Variants in CCSER1 observed in about 807,000 individuals in gnomAD.
CCSER1 encodes the protein serine-rich coiled-coil domain-containing protein 1.
CCSER1 carries 41 observed loss-of-function variants against 82.0 expected under a neutral mutation model. The observed-to-expected ratio is 0.50, with a 90% CI of 0.39 to 0.65. CCSER1 has a LOEUF of 0.65. Ranked by LOEUF, CCSER1 falls within the 30% of genes least tolerant of loss-of-function variation. CCSER1 has a pLI of 0.00. For synonymous variants in CCSER1, 414 were observed against 383.9 expected (o/e 1.08, Z -0.92); for missense variants, 1,119 against 1,064.2 (o/e 1.05, Z -0.72).
intron 1 of CCSER1, among the ~76,000 whole-genome samples, chr4:90,135,434 C>T (rs1314043205): frequency 6.6e-6 from 1 of 152,108 alleles, no homozygotes; most frequent in African/African-American, 2.4e-5. Context: ...AACCTCATTT[C>T]CTGAGCCATT....
In CCSER1 at chr4:90,308,389, C is replaced by T. The variant is rs1734686336; in HGVS notation, c.105C>T (p.Ser35=). The change falls in exon 2 of 11, where the codon TCC becomes TCT. Residue 35 remains serine (S), a synonymous_variant. Transcript: ENST00000509176. ...RHDSLPSSPS[S]SNTVGVHSSS... ...ATTCTCTTCCTTCTTCACCTTCTTC[C>T]AGTAATACAGTTGGTGTCCACAGTT... is the stretch of plus-strand genomic sequence containing the variant. 1 of 1,613,554 alleles carries T rather than the reference C, an allele frequency of 6.2e-7. No individual in the cohort carries two copies. The highest frequency in any genetic ancestry group is 1.3e-5 in the African/African-American group (1 of 74,876).
Position 91,012,243 on chromosome 4 carries a change from A to G in CCSER1, c.2173-73707A>G, listed in dbSNP as rs75194681. The stretch of plus-strand genomic sequence containing the variant: ...GTAGTGTGAATGCTCTTTGCAGCCA[A>G]AGCATTGTTTCCCCAGGATTCAGGG... On this transcript the variant is annotated intron_variant, in intron 9 of 10. Transcript: ENST00000509176. 0.015 allele frequency among the ~76,000 whole-genome samples: 1,980 copies of G among 134,040 alleles called. 508 individuals are homozygous for G. The East Asian group carries it at 0.19, about 13-fold the overall frequency. 87.9% of individuals were successfully genotyped at this position (134,040 alleles called of 152,430 possible).
chr4:90,242,417 G>T (rs1354081893), intron 1 of CCSER1, among the ~76,000 whole-genome samples: 1 of 152,082 alleles, frequency 6.6e-6, no homozygotes, highest in Admixed American at 6.5e-5. Flanking sequence ...TTAAACTGTT[G>T]ATATTTTTTA....
chr4:90,590,208 A>T (rs1302345248), intron 5 of CCSER1, among the ~76,000 whole-genome samples: 1 of 152,106 alleles, frequency 6.6e-6, no homozygotes, highest in Non-Finnish European at 1.5e-5. Flanking sequence ...CAGGAGAAAG[A>T]GGTTGCACTG....
intron 10 of CCSER1, among the ~76,000 whole-genome samples, chr4:91,453,337 G>A (rs1408044349): frequency 6.6e-6 from 1 of 151,928 alleles, no homozygotes; most frequent in African/African-American, 2.4e-5. Flanking sequence ...TTTTATAGGT[G>A]ATTTGTTTTG....
At chr4:91,000,675 AT>A (rs747297683) in intron 9 of CCSER1, among the ~76,000 whole-genome samples, 40 of 151,734 alleles carry the variant, frequency 2.6e-4, no homozygotes, top group Admixed American at 1.2e-3. Flanking sequence ...ACTTTATTTT[AT>A]TTTTTGTAGC....
At chr4:90,811,355 T>C (rs966107675) in intron 7 of CCSER1, among the ~76,000 whole-genome samples, 42 of 152,114 alleles carry the variant, frequency 2.8e-4, no homozygotes, top group African/African-American at 9.4e-4. Flanking sequence ...TAATGAAGGG[T>C]ACAATACACT....
intron 4 of CCSER1, among the ~76,000 whole-genome samples, chr4:90,460,994 A>C (rs1414072748): frequency 6.6e-6 from 1 of 150,768 alleles, no homozygotes; most frequent in Non-Finnish European, 1.5e-5. Flanking sequence ...TGTTTATTTC[A>C]ATAGTGCTGT....
chr4:90,674,406 T>C (rs11935799), intron 6 of CCSER1, among the ~76,000 whole-genome samples: 69,641 of 151,512 alleles, frequency 0.46, 16,395 homozygotes, highest in Middle Eastern at 0.59. Flanking sequence ...GAAGGGACAG[T>C]TGTCAAGTCT....
At chr4:90,330,137 G>T (rs1739013958) in intron 3 of CCSER1, among the ~76,000 whole-genome samples, 1 of 152,134 alleles carries the variant, frequency 6.6e-6, no homozygotes, top group South Asian at 2.1e-4. Flanking sequence ...TTTTGTGAGA[G>T]AAACTTTTGT....
At chr4:90,502,652 C>A (rs79808426) in intron 5 of CCSER1, among the ~76,000 whole-genome samples, 8,705 of 152,018 alleles carry the variant, frequency 0.057, 581 homozygotes, top group African/African-American at 0.17. Context: ...CTGGGAAAAA[C>A]ACCACTTTTT....
Position 91,411,948 on chromosome 4 carries a change from C to T in CCSER1, c.2218-186624C>T, listed in dbSNP as rs191726263. Among the ~76,000 whole-genome samples the T allele has an allele frequency of 1.7e-4, 26 of 152,032 alleles. No individual in the cohort carries two copies. In the East Asian group the frequency reaches 5.1e-3, roughly 30 times the overall value. The stretch of plus-strand genomic sequence containing the variant: ...AGATGGGCCCAGTGTAATCCTTGGA[C>T]CCTGAAAGGCAGATGAGGGGGAAGT... On this transcript the variant is annotated intron_variant, in intron 10 of 10. Coordinates refer to ENST00000509176, the MANE Select transcript of CCSER1 (RefSeq NM_001145065.2).
chr4:90,967,967 T>C (rs1161458842), intron 9 of CCSER1, among the ~76,000 whole-genome samples: 2 of 152,052 alleles, frequency 1.3e-5, no homozygotes, highest in Non-Finnish European at 2.9e-5. Flanking sequence ...TAAAGCTCAG[T>C]GCCAAGAGAG....
chr4:90,338,766 C>A (rs1024258915), intron 3 of CCSER1, among the ~76,000 whole-genome samples: 1 of 152,182 alleles, frequency 6.6e-6, no homozygotes, highest in Non-Finnish European at 1.5e-5. Context: ...CAAAATCTAT[C>A]TCCTGTTATG....
At chr4:91,454,910 T>C (rs1304914384) in intron 10 of CCSER1, among the ~76,000 whole-genome samples, 2 of 152,084 alleles carry the variant, frequency 1.3e-5, no homozygotes, top group East Asian at 1.9e-4. Flanking sequence ...TTCACAGTTA[T>C]ATTTGTCACC....
At position 91,380,421 on chromosome 4, in the gene CCSER1, A is replaced by C. The variant is rs564244906; in HGVS notation, c.2218-218151A>C. 7.0e-3 allele frequency among the ~76,000 whole-genome samples: 1,064 copies of C among 151,934 alleles called. 9 individuals carry two copies. The highest frequency in any genetic ancestry group is 0.024 in the African/African-American group (997 of 41,466). On this transcript the variant is annotated intron_variant, in intron 10 of 10. Transcript: ENST00000509176. The stretch of plus-strand genomic sequence containing the variant: ...GTCTCTAAGGACTTGCTTTATGAAT[A>C]TGGGTGCTCCTGTATTGGGTGCATA...
At chr4:90,870,815 CTTTTTTT>C (rs35869800) in intron 8 of CCSER1, among the ~76,000 whole-genome samples, 7 of 109,554 alleles carry the variant, frequency 6.4e-5, no homozygotes, top group Admixed American at 9.4e-5. Flanking sequence ...AGGTCCTTGG[CTTTTTTT>C]TTTTTTTTTT....
intron 5 of CCSER1, among the ~76,000 whole-genome samples, chr4:90,556,947 T>C (rs941012366): frequency 6.6e-6 from 1 of 151,782 alleles, no homozygotes; most frequent in Admixed American, 6.6e-5. Context: ...TTAGCAAACA[T>C]AAATAAAAAT....
intron 9 of CCSER1, among the ~76,000 whole-genome samples, chr4:90,939,345 C>T (rs1731327088): frequency 6.6e-6 from 1 of 152,146 alleles, no homozygotes; most frequent in Non-Finnish European, 1.5e-5. Context: ...AAATTAACCT[C>T]ATATTAAAGG....
Sources: gnomAD v4.1 joint callset for allele counts (sites outside exome capture counted in the v4.1 genomes callset) on GRCh38, gnomAD v4.1.1 for gene constraint, MANE v1.5 for transcripts, NCBI Gene and HGNC (gene_info 2026-07-23, HGNC 2026-07-21) for gene names.